Variants in PIP5K1B observed in about 807,000 individuals in gnomAD.
PIP5K1B encodes phosphatidylinositol 4-phosphate 5-kinase type-1 beta.
A neutral mutation model predicts 67.0 loss-of-function variants in PIP5K1B; 42 were observed. The ratio of observed to expected loss-of-function variants is 0.63; its 90% CI spans 0.49 to 0.81. PIP5K1B has a LOEUF of 0.81. PIP5K1B is among the 30% of genes least tolerant of loss of function. The pLI is 0.00. For synonymous variants in PIP5K1B, 214 were observed against 231.4 expected (o/e 0.92, Z 0.68); for missense variants, 459 against 646.3 (o/e 0.71, Z 3.14).
intron 2 of PIP5K1B, among the ~76,000 whole-genome samples, chr9:68,809,204 G>C (rs1833029247): frequency 6.6e-6 from 1 of 152,122 alleles, no homozygotes; most frequent in African/African-American, 2.4e-5. Flanking sequence ...GATTGTTTCA[G>C]TTTGGTGTTT....
intron 2 of PIP5K1B, among the ~76,000 whole-genome samples, chr9:68,817,836 G>A (rs764100077): frequency 3.2e-4 from 49 of 151,192 alleles, no homozygotes; most frequent in Non-Finnish European, 5.5e-4. Flanking sequence ...GATTACAGGC[G>A]TGAGCCACCA....
At chr9:68,963,621 G>A (rs1029232187) in intron 14 of PIP5K1B, among the ~76,000 whole-genome samples, 13 of 152,296 alleles carry the variant, frequency 8.5e-5, no homozygotes, top group African/African-American at 2.4e-4. Context: ...AGGAAGACAC[G>A]TTTGATGTCC....
chr9:68,954,531 A>G (rs1418643068), intron 14 of PIP5K1B, among the ~76,000 whole-genome samples: 1 of 152,204 alleles, frequency 6.6e-6, no homozygotes, highest in Non-Finnish European at 1.5e-5. Flanking sequence ...ATTAATAATG[A>G]GTTAATCCAA....
chr9:68,840,619 G>A (rs2132151662), intron 4 of PIP5K1B, among the ~76,000 whole-genome samples: 1 of 152,256 alleles, frequency 6.6e-6, no homozygotes, highest in East Asian at 1.9e-4. Flanking sequence ...TTGGCTCATG[G>A]CCGCTTCCTT....
chr9:68,914,959 T>C (rs568951765), intron 8 of PIP5K1B, among the ~76,000 whole-genome samples: 1 of 152,356 alleles, frequency 6.6e-6, no homozygotes, highest in East Asian at 1.9e-4. Context: ...AGCGAACACC[T>C]GTTGTCTCTT....
intron 15 of PIP5K1B, among the ~76,000 whole-genome samples, chr9:69,001,956 A>G (rs1830840683): frequency 1.3e-5 from 2 of 152,254 alleles, no homozygotes; most frequent in South Asian, 4.1e-4. Context: ...ATGTTACCAC[A>G]TTAACAGTTT....
intron 4 of PIP5K1B, among the ~76,000 whole-genome samples, chr9:68,838,647 T>A (rs1479778332): frequency 6.6e-6 from 1 of 152,226 alleles, no homozygotes; most frequent in African/African-American, 2.4e-5. Flanking sequence ...TATTGAATAC[T>A]GTACTCAGTA....
chr9:68,754,502 C>T (rs1363553689), intron 2 of PIP5K1B, among the ~76,000 whole-genome samples: 2 of 152,062 alleles, frequency 1.3e-5, no homozygotes, highest in African/African-American at 4.8e-5. Flanking sequence ...GTTCTGTACA[C>T]CTATCTTTTG....
At chr9:68,937,544 CA>C (rs1232551639) in intron 13 of PIP5K1B, among the ~76,000 whole-genome samples, 1 of 152,022 alleles carries the variant, frequency 6.6e-6, no homozygotes, top group Non-Finnish European at 1.5e-5. Context: ...TTGATCTTTT[CA>C]AAAAACCAGC....
chr9:68,777,927 T>A (rs1831001253), intron 2 of PIP5K1B, among the ~76,000 whole-genome samples: 1 of 152,236 alleles, frequency 6.6e-6, no homozygotes, highest in Admixed American at 6.5e-5. Flanking sequence ...TAGCATTCTT[T>A]CAGCCACTTA....
chr9:68,919,758 G>GT, intron 11 of PIP5K1B, 29 bp downstream of exon 11: 1 of 1,312,844 alleles, frequency 7.6e-7, no homozygotes, highest in Non-Finnish European at 1.1e-6. Context: ...TTATTATACT[G>GT]TATATATTTC....
At chr9:68,898,334 G>C (rs1317383159) in intron 8 of PIP5K1B, among the ~76,000 whole-genome samples, 1 of 152,114 alleles carries the variant, frequency 6.6e-6, no homozygotes, top group Admixed American at 6.5e-5. Flanking sequence ...GGGGAGAAAT[G>C]GATATGTAAA....
chr9:68,996,566 G>A (rs1050953373), intron 15 of PIP5K1B, among the ~76,000 whole-genome samples: 2 of 152,166 alleles, frequency 1.3e-5, no homozygotes, highest in African/African-American at 4.8e-5. Context: ...GGGCAATCAC[G>A]CAGTCTTCAT....
At chr9:68,799,758 A>G (rs1022690828) in intron 2 of PIP5K1B, among the ~76,000 whole-genome samples, 1 of 152,234 alleles carries the variant, frequency 6.6e-6, no homozygotes, top group Non-Finnish European at 1.5e-5. Context: ...TGACTTAAAA[A>G]TAATACCTGA....
chr9:68,935,750 T>C (rs930716065), intron 13 of PIP5K1B: 4 of 152,226 alleles, frequency 2.6e-5, no homozygotes, highest in Non-Finnish European at 4.4e-5. Flanking sequence ...ATTTAGGTCT[T>C]CTTTAATGAT....
At chr9:68,880,911 C>T in intron 6 of PIP5K1B, among the ~76,000 whole-genome samples, 1 of 152,218 alleles carries the variant, frequency 6.6e-6, no homozygotes. Context: ...CACCTCCAAA[C>T]CGCTCTATCT....
At chr9:69,002,320 A>G (rs956491330) in intron 15 of PIP5K1B, among the ~76,000 whole-genome samples, 1 of 152,198 alleles carries the variant, frequency 6.6e-6, no homozygotes, top group African/African-American at 2.4e-5. Context: ...GCGTCCAAAT[A>G]TATTTTTTAA....
At chr9:68,801,256 C>T (rs954612522) in intron 2 of PIP5K1B, among the ~76,000 whole-genome samples, 1 of 152,036 alleles carries the variant, frequency 6.6e-6, no homozygotes, top group African/African-American at 2.4e-5. Context: ...ATAACAAGCC[C>T]GGGCATGAGA....
chr9:68,916,428 C>T (rs1174185745), intron 8 of PIP5K1B, among the ~76,000 whole-genome samples: 1 of 152,176 alleles, frequency 6.6e-6, no homozygotes, highest in Non-Finnish European at 1.5e-5. Flanking sequence ...CAGAGCATTG[C>T]CATCTCTTTT....
Sources: gnomAD v4.1 joint callset for allele counts (sites outside exome capture counted in the v4.1 genomes callset) on GRCh38, gnomAD v4.1.1 for gene constraint, MANE v1.5 for transcripts, NCBI Gene and HGNC (gene_info 2026-07-23, HGNC 2026-07-21) for gene names.